Variants in HDAC4 observed in about 807,000 individuals in gnomAD.
HDAC4 encodes histone deacetylase A.
HDAC4 carries 16 observed loss-of-function variants against 135.1 expected under a neutral mutation model. The ratio of observed to expected loss-of-function variants is 0.12; its 90% CI spans 0.08 to 0.18. The LOEUF is 0.18. Among genes scored for constraint, HDAC4 ranks in the 10% least tolerant of loss-of-function variants. The pLI, the probability that HDAC4 is intolerant of heterozygous loss-of-function variation, is 1.00. For missense variants in HDAC4, 1,143 were observed against 1,511.8 expected, an observed-to-expected ratio of 0.76 and a Z score of 4.05; for synonymous variants, 685 against 653.4, an observed-to-expected ratio of 1.05 and a Z score of -0.74.
Position 239,314,698 on chromosome 2 carries a change from G to A in HDAC4, c.22+37980C>T, listed in dbSNP as rs138417148. Among the ~76,000 whole-genome samples the A allele has an allele frequency of 1.3e-3, 201 of 152,236 alleles. 7 individuals carry two copies. The South Asian group carries it at 0.037, about 28-fold the overall frequency. On this transcript the variant is annotated intron_variant, in intron 2 of 26. Coordinates refer to ENST00000543185, the MANE Select transcript of HDAC4 (RefSeq NM_001378414.1). Reference sequence around the variant, plus strand: ...GAATTAGTGAACAGTAAAATAGCACGGAAGAAATAAACCAGGATGCAACAC... The same window carrying A: ...GAATTAGTGAACAGTAAAATAGCACAGAAGAAATAAACCAGGATGCAACAC...
At position 239,176,571 on chromosome 2, in the gene HDAC4, T is replaced by G; in HGVS notation, c.340-8A>C. 6.2e-7 allele frequency: 1 copy of G among 1,612,202 alleles called. No homozygotes were observed. ...CAGCATCTCCTGTTGTTGCTGCAAG[T>G]GGAAGGAGGAGACAGACGGTCAGAG... On this transcript the variant is annotated splice_polypyrimidine_tract_variant and splice_region_variant and intron_variant, in intron 4 of 26. Transcript: ENST00000543185.
chr2:239,067,295 C>T (rs1039963935), intron 23 of HDAC4, among the ~76,000 whole-genome samples: 1 of 152,108 alleles, frequency 6.6e-6, no homozygotes, highest in Admixed American at 6.5e-5. Context: ...CAGGTCTGAG[C>T]GTTTGGCTTT....
chr2:239,161,110 A>T (rs925488076), intron 6 of HDAC4, among the ~76,000 whole-genome samples: 19 of 152,168 alleles, frequency 1.2e-4, no homozygotes, highest in Non-Finnish European at 2.8e-4. Flanking sequence ...ACCTGTTCAA[A>T]CCTTTTGACC....
intron 2 of HDAC4, among the ~76,000 whole-genome samples, chr2:239,280,578 T>C (rs550306183): frequency 6.6e-6 from 1 of 152,272 alleles, no homozygotes; most frequent in Non-Finnish European, 1.5e-5. Flanking sequence ...GAAAACATTG[T>C]GGGAGCAGGT....
At position 239,240,377 on chromosome 2, in the gene HDAC4, C is replaced by T. The variant is rs1407822162; in HGVS notation, c.23-3713G>A. Among the ~76,000 whole-genome samples, 1 of 152,228 alleles carries T rather than the reference C, an allele frequency of 6.6e-6. No homozygotes were observed. Among genetic ancestry groups the T allele is most frequent in the African/African-American group, 2.4e-5 (1 of 41,456 alleles). ...CTTAACGCTGTGTTTTTTCAGATAT[C>T]ATATTCCAGAGTGAGTTAAAATGAA... On this transcript the variant is annotated intron_variant, in intron 2 of 26. Coordinates refer to ENST00000543185, the MANE Select transcript of HDAC4 (RefSeq NM_001378414.1). This position sits in a 1 kb window ranked among gnomAD's most constrained non-coding sequence, Gnocchi z 4.5.
chr2:239,061,170 TATGA>T (rs1339989604), intron 24 of HDAC4, among the ~76,000 whole-genome samples: 1 of 152,082 alleles, frequency 6.6e-6, no homozygotes, highest in African/African-American at 2.4e-5. Context: ...CATTCATGTG[TATGA>T]ATGTGCGTGA....
intron 1 of HDAC4, among the ~76,000 whole-genome samples, chr2:239,399,548 A>G (rs1016803317): frequency 6.6e-6 from 1 of 152,232 alleles, no homozygotes; most frequent in Non-Finnish European, 1.5e-5. Context: ...TCATATTACA[A>G]AAGAAAAAGT....
chr2:239,054,752 G>T lies in HDAC4; in HGVS notation c.3085C>A (p.His1029Asn), dbSNP rs2031522903. ...VRSMEKVMEI[H>N]SKYWRCLQRT... ...AGCACCCAGCCAGGCAACTTACTGTGGATCTCCATGACTTTCTCCATGGAA... is the reference window on the plus strand; with the variant it reads ...AGCACCCAGCCAGGCAACTTACTGTTGATCTCCATGACTTTCTCCATGGAA... Residue 1029 changes from histidine to asparagine, a missense_variant, in exon 25 of 27, where the codon CAC (histidine) becomes AAC (asparagine). Around this residue, in one of 9 missense-constraint regions of HDAC4, gnomAD observed 131 missense variants for 130.6 expected, o/e 1.00. Coordinates refer to ENST00000543185, the MANE Select transcript of HDAC4 (RefSeq NM_001378414.1). The T allele has an allele frequency of 6.2e-7, 1 of 1,609,044 alleles. No individual in the cohort carries two copies. Among genetic ancestry groups the T allele is most frequent in the East Asian group, 2.2e-5 (1 of 44,826 alleles).
At position 239,323,205 on chromosome 2, in the gene HDAC4, T is replaced by C. The variant is rs548451971; in HGVS notation, c.22+29473A>G. Among the ~76,000 whole-genome samples, 44 of 152,198 alleles carry C rather than the reference T, an allele frequency of 2.9e-4. No individual in the cohort carries two copies. The South Asian group carries it at 8.7e-3, about 30-fold the overall frequency. ...GAAATATTACGGAGCTACAAAAAAATCCCATTGCTGTTCTATCGTGTATGT... is the reference window on the plus strand; with the variant it reads ...GAAATATTACGGAGCTACAAAAAAACCCCATTGCTGTTCTATCGTGTATGT... On this transcript the variant is annotated intron_variant, in intron 2 of 26. Coordinates refer to ENST00000543185, the MANE Select transcript of HDAC4 (RefSeq NM_001378414.1).
intron 7 of HDAC4, among the ~76,000 whole-genome samples, chr2:239,153,152 C>T (rs566730615): frequency 9.8e-5 from 15 of 152,294 alleles, no homozygotes; most frequent in African/African-American, 2.6e-4. Context: ...GGAGGTCAGA[C>T]GTTTGAGCTG....
At chr2:239,344,978 C>T (rs1386390284) in intron 2 of HDAC4, among the ~76,000 whole-genome samples, 1 of 152,236 alleles carries the variant, frequency 6.6e-6, no homozygotes, top group South Asian at 2.1e-4. Context: ...CCAGCTGGCA[C>T]CAAGCATGCT....
At chr2:239,094,264 A>C in intron 17 of HDAC4, 1 of 985,394 alleles carries the variant, frequency 1.0e-6, no homozygotes, top group Non-Finnish European at 1.2e-6. Context: ...AGGCTGCATC[A>C]AGGAGGTCAG....
chr2:239,227,007 G>A (rs920314667), intron 3 of HDAC4, among the ~76,000 whole-genome samples: 6 of 152,242 alleles, frequency 3.9e-5, no homozygotes, highest in African/African-American at 1.4e-4. Flanking sequence ...ACACACAGGA[G>A]ATGAGAGAGC....
At chr2:239,187,147 G>C (rs1277357509) in intron 4 of HDAC4, 3 of 152,704 alleles carry the variant, frequency 2.0e-5, no homozygotes, top group Non-Finnish European at 2.9e-5. Context: ...TCCTCAGCCA[G>C]CATCTGTGTT....
intron 1 of HDAC4, among the ~76,000 whole-genome samples, chr2:239,362,507 TG>T (rs1478012998): frequency 2.0e-5 from 3 of 152,208 alleles, no homozygotes; most frequent in African/African-American, 4.8e-5. Context: ...AATGTGACAG[TG>T]TGGGGAGGGC....
intron 1 of HDAC4, among the ~76,000 whole-genome samples, chr2:239,384,372 A>T (rs908261): frequency 0.43 from 64,188 of 149,886 alleles, 15,021 homozygotes; most frequent in East Asian, 0.83. Context: ...CCAGAACTTT[A>T]GGTGGCCTAG....
intron 3 of HDAC4, among the ~76,000 whole-genome samples, chr2:239,220,768 AAC>A (rs1302120447): frequency 3.9e-5 from 6 of 152,346 alleles, no homozygotes; most frequent in Non-Finnish European, 5.9e-5. Context: ...TTAAATGGAT[AAC>A]AGATGGGAAA....
rs1264113439 is a variant in HDAC4, at chr2:239,303,876, C to T, written c.22+48802G>A. Among the ~76,000 whole-genome samples, 1 of 152,200 alleles carries T rather than the reference C, an allele frequency of 6.6e-6. No homozygotes were observed. The highest frequency in any genetic ancestry group is 1.9e-4 in the East Asian group (1 of 5,188). The stretch of plus-strand genomic sequence containing the variant: ...GACCCCAGATACCCACCAGACCCTA[C>T]AGGCCTGCCCCGTGGCCCTGGGAAT... On this transcript the variant is annotated intron_variant, in intron 2 of 26. Transcript: ENST00000543185. This position sits in a 1 kb window ranked among gnomAD's most constrained non-coding sequence, Gnocchi z 5.1.
intron 2 of HDAC4, among the ~76,000 whole-genome samples, chr2:239,347,022 C>T (rs1575728490): frequency 6.6e-6 from 1 of 151,946 alleles, no homozygotes; most frequent in East Asian, 1.9e-4. Flanking sequence ...CACACGCACA[C>T]ACCCTAACAC....
Sources: gnomAD v4.1 joint callset for allele counts (sites outside exome capture counted in the v4.1 genomes callset) on GRCh38, gnomAD v4.1.1 for gene constraint, gnomAD v4.1.1 regional missense constraint, Gnocchi (gnomAD v3.1) non-coding constraint, MANE v1.5 for transcripts, NCBI Gene and HGNC (gene_info 2026-07-23, HGNC 2026-07-21) for gene names.